Variants in CSMD1 observed in about 807,000 individuals in gnomAD.
The protein encoded by CSMD1 is CUB and Sushi multiple domains 1.
In CSMD1, 213 loss-of-function variants were observed where a neutral mutation model predicts 417.5. The observed-to-expected ratio is 0.51, with a 90% CI of 0.46 to 0.57. CSMD1 has a LOEUF of 0.57. Ranked by LOEUF, CSMD1 falls within the 20% of genes least tolerant of loss-of-function variation. The probability of loss-of-function intolerance (pLI) is 0.00; values close to 1 mark genes in which losing one functional copy is unlikely to be tolerated. For synonymous variants in CSMD1, 2,862 were observed against 1,736.8 expected, an observed-to-expected ratio of 1.65 and a Z score of -16.11; for missense variants, 6,923 against 4,529.7, an observed-to-expected ratio of 1.53 and a Z score of -15.17.
Position 2,938,731 on chromosome 8 carries a change from C to T in CSMD1, c.10549G>A (p.Val3517Ile). The T allele has an allele frequency of 6.2e-7, 1 of 1,608,332 alleles. No individual in the cohort carries two copies. The highest frequency in any genetic ancestry group is 8.5e-7 in the Non-Finnish European group (1 of 1,177,128). ...YLYKHRTRPK[V>I]QYNGYAGHEN... ...TGCCCAGCATAGCCATTGTATTGAA[C>T]TTTTGGTCTCGTTCTAAGGAAAACA... is the stretch of plus-strand genomic sequence containing the variant. Residue 3517 changes from valine to isoleucine, a missense_variant, in exon 70 of 70, where the codon GTT becomes ATT. By Grantham distance (29) the Val-to-Ile change is conservative (BLOSUM62 3). Coordinates refer to ENST00000635120, the MANE Select transcript of CSMD1 (RefSeq NM_033225.6).
intron 1 of CSMD1, among the ~76,000 whole-genome samples, chr8:4,650,894 A>C (rs1052867208): frequency 3.9e-5 from 6 of 152,210 alleles, no homozygotes; most frequent in African/African-American, 1.4e-4. Context: ...GTGTTGATCT[A>C]TTTAGCAGGA....
At chr8:3,968,299 C>A (rs1474317) in intron 5 of CSMD1, among the ~76,000 whole-genome samples, 35,171 of 151,904 alleles carry the variant, frequency 0.23, 4,391 homozygotes, top group South Asian at 0.44. Context: ...GGACAATACT[C>A]ATAGGCAGCA....
At chr8:4,870,210 GGTCC>G (rs1481900201) in intron 1 of CSMD1, among the ~76,000 whole-genome samples, 7 of 151,966 alleles carry the variant, frequency 4.6e-5, no homozygotes, top group Non-Finnish European at 1.0e-4. Context: ...TTAATTCCCT[GGTCC>G]TTCTTCATCC....
chr8:3,061,956 C>G (rs542613764), intron 49 of CSMD1, among the ~76,000 whole-genome samples: 10 of 152,082 alleles, frequency 6.6e-5, no homozygotes, highest in African/African-American at 2.2e-4. Context: ...GATGACGAAG[C>G]CTGCCTTTCA....
chr8:3,398,881 C>G (rs189272925), intron 16 of CSMD1, among the ~76,000 whole-genome samples: 1 of 152,126 alleles, frequency 6.6e-6, no homozygotes, highest in Non-Finnish European at 1.5e-5. Context: ...AATAGCTAAG[C>G]CAAGCAACAT....
At chr8:4,881,047 T>G (rs1270051900) in intron 1 of CSMD1, among the ~76,000 whole-genome samples, 1 of 151,998 alleles carries the variant, frequency 6.6e-6, no homozygotes, top group African/African-American at 2.4e-5. Context: ...CAGGGCTCAG[T>G]TCCCAACTCT....
chr8:4,413,403 G>C (rs1005805197), intron 3 of CSMD1, among the ~76,000 whole-genome samples: 15 of 152,258 alleles, frequency 9.9e-5, no homozygotes, highest in Admixed American at 9.2e-4. Context: ...AGCCTCGCTA[G>C]ATTAGCTAAA....
intron 11 of CSMD1, among the ~76,000 whole-genome samples, chr8:3,476,280 G>C (rs1053653976): frequency 1.3e-5 from 2 of 152,180 alleles, no homozygotes; most frequent in South Asian, 2.1e-4. Flanking sequence ...ATGTTGTTGT[G>C]TGTATCAGTA....
chr8:4,321,124 A>G (rs766613883), intron 3 of CSMD1, among the ~76,000 whole-genome samples: 2 of 152,140 alleles, frequency 1.3e-5, no homozygotes, highest in Non-Finnish European at 2.9e-5. Context: ...TAAATCAATC[A>G]AAGGCAGGAA....
chr8:4,850,213 C>G (rs7006552), intron 1 of CSMD1, among the ~76,000 whole-genome samples: 5 of 151,790 alleles, frequency 3.3e-5, no homozygotes, highest in Admixed American at 2.0e-4. Context: ...ACTGGGTTAT[C>G]TGTCATTTTA....
At chr8:3,688,894 G>T (rs1800084671) in intron 7 of CSMD1, among the ~76,000 whole-genome samples, 1 of 151,900 alleles carries the variant, frequency 6.6e-6, no homozygotes, top group African/African-American at 2.4e-5. Flanking sequence ...TTAGATCTCA[G>T]ACAAAGGAGC....
intron 1 of CSMD1, among the ~76,000 whole-genome samples, chr8:4,648,987 C>G (rs1164231045): frequency 6.6e-6 from 1 of 152,170 alleles, no homozygotes; most frequent in East Asian, 1.9e-4. Context: ...TGGAGTAGTG[C>G]CTTCAATAAA....
intron 7 of CSMD1, among the ~76,000 whole-genome samples, chr8:3,671,528 C>CATATAT: frequency 2.0e-5 from 1 of 50,222 alleles, no homozygotes; most frequent in East Asian, 6.7e-4. Flanking sequence ...TATATATGAT[C>CATATAT]ATATATATAT....
In CSMD1 at chr8:4,384,688, G is replaced by A. The variant is rs141057140; in HGVS notation, c.415+35265C>T. On this transcript the variant is annotated intron_variant, in intron 3 of 69. Transcript: ENST00000635120. ...CAACATTAAGTAGCAACAGACACGA[G>A]TGGGCCTTTCCCAGGGCCAAGGCAC... Among the ~76,000 whole-genome samples the A allele has an allele frequency of 2.2e-4, 33 of 152,240 alleles. 1 individual carries two copies. Among genetic ancestry groups the A allele is most frequent in the Admixed American group, 6.5e-4 (10 of 15,296 alleles).
Position 4,991,051 on chromosome 8 carries a change from G to C in CSMD1, c.85+3281C>G, listed in dbSNP as rs141377255. On this transcript the variant is annotated intron_variant, in intron 1 of 69. Coordinates refer to ENST00000635120, the MANE Select transcript of CSMD1 (RefSeq NM_033225.6). ...TAGTGTTGTGTGTGCTCTCCTTTAG[G>C]ACGCTTTCTGGGTAAGTAATTGTCT... Among the ~76,000 whole-genome samples, 18 of 152,212 alleles carry C rather than the reference G, an allele frequency of 1.2e-4. 1 individual carries two copies. The highest frequency in any genetic ancestry group is 4.3e-4 in the African/African-American group (18 of 41,532).
chr8:3,326,976 A>C (rs1047254983), intron 23 of CSMD1, among the ~76,000 whole-genome samples: 1 of 152,064 alleles, frequency 6.6e-6, no homozygotes, highest in Admixed American at 6.5e-5. Flanking sequence ...CAGGAGCTCA[A>C]GACCTGCCTG....
At chr8:3,336,274 G>C (rs563261723) in intron 23 of CSMD1, among the ~76,000 whole-genome samples, 9 of 152,242 alleles carry the variant, frequency 5.9e-5, no homozygotes, top group Admixed American at 5.9e-4. Flanking sequence ...GGTATTATGA[G>C]TGTTTCCAAG....
chr8:4,199,660 A>G (rs909256793), intron 3 of CSMD1, among the ~76,000 whole-genome samples: 1 of 152,172 alleles, frequency 6.6e-6, no homozygotes, highest in Non-Finnish European at 1.5e-5. Context: ...AGCTCAGTGT[A>G]TGAGGCTGGA....
rs538630349 is a variant in CSMD1, at chr8:3,586,515, A to G, written c.1098-255T>C. Among the ~76,000 whole-genome samples the G allele has an allele frequency of 5.3e-5, 8 of 152,164 alleles. No homozygotes were observed. The South Asian group carries it at 6.4e-4, about 12-fold the overall frequency. ...ACAAACACATGAACCTTAACTTGTC[A>G]TGACTAAGACAGAATAAAATAGCAA... On this transcript the variant is annotated intron_variant, in intron 8 of 69. Coordinates refer to ENST00000635120, the MANE Select transcript of CSMD1 (RefSeq NM_033225.6).
Sources: allele counts gnomAD v4.1 joint callset (sites outside exome capture counted in the v4.1 genomes callset), GRCh38; gene constraint gnomAD v4.1.1; transcripts MANE v1.5; gene names NCBI Gene and HGNC (gene_info 2026-07-23, HGNC 2026-07-21).